Variants in MCTP1 observed in about 807,000 individuals in gnomAD.
The protein encoded by MCTP1 is multiple C2 and transmembrane domain containing 1, also known as multiple C2 and transmembrane domain-containing protein 1.
Under a neutral mutation model 120.6 loss-of-function variants are expected in MCTP1, and 69 were observed. The ratio of observed to expected loss-of-function variants is 0.57; its 90% CI spans 0.47 to 0.70. The LOEUF (loss-of-function observed/expected upper bound fraction) is 0.70, where lower values mean the gene tolerates loss of function less well. Ranked by LOEUF, MCTP1 falls within the 30% of genes least tolerant of loss-of-function variation. The pLI, the probability that MCTP1 is intolerant of heterozygous loss-of-function variation, is 0.00. For missense variants in MCTP1, 1,203 were observed against 1,248.8 expected (o/e 0.96, Z 0.55); for synonymous variants, 529 against 493.1 (o/e 1.07, Z -0.96).
At chr5:95,022,633 T>G (rs1163028224) in intron 1 of MCTP1, among the ~76,000 whole-genome samples, 1 of 152,134 alleles carries the variant, frequency 6.6e-6, no homozygotes, top group Non-Finnish European at 1.5e-5. Flanking sequence ...TCAATGGGAA[T>G]CTAAATAAAG....
chr5:94,866,811 C>T (rs1282111528), intron 17 of MCTP1, among the ~76,000 whole-genome samples: 1 of 151,322 alleles, frequency 6.6e-6, no homozygotes, highest in African/African-American at 2.4e-5. Context: ...TTTCATTTTA[C>T]GCGAGTGACC....
At chr5:95,152,591 T>C (rs1744654648) in intron 1 of MCTP1, among the ~76,000 whole-genome samples, 1 of 152,234 alleles carries the variant, frequency 6.6e-6, no homozygotes, top group Non-Finnish European at 1.5e-5. Context: ...TTAGCTTCAT[T>C]AACGAGGGTT....
intron 1 of MCTP1, among the ~76,000 whole-genome samples, chr5:95,280,559 A>T (rs971390233): frequency 9.9e-5 from 15 of 152,242 alleles, no homozygotes; most frequent in Non-Finnish European, 1.6e-4. Context: ...TTGAGAAAGC[A>T]TCTTTTCCAA....
At chr5:95,205,002 T>C (rs1269678317) in intron 1 of MCTP1, among the ~76,000 whole-genome samples, 1 of 152,100 alleles carries the variant, frequency 6.6e-6, no homozygotes, top group Non-Finnish European at 1.5e-5. Context: ...AAAATTCATA[T>C]GGAAATTCAA....
chr5:95,284,207 G>A lies in MCTP1; in HGVS notation c.369C>T (p.Arg123=). The stretch of plus-strand genomic sequence containing the variant: ...CGGGGAGCAAATGCTCGCGGATCCG[G>A]CGGCGTAGCGTGGACCCCTGCTCGG... ...GRAEQGSTLR[R]RIREHLLPAV... The change falls in exon 1 of 23, where the codon CGC becomes CGT. Residue 123 remains arginine (R), a synonymous_variant. Coordinates refer to ENST00000515393, the MANE Select transcript of MCTP1 (RefSeq NM_024717.7). The surrounding 1 kb of genome is among the most constrained non-coding windows in gnomAD (Gnocchi z 5.2). 6.4e-7 allele frequency: 1 copy of A among 1,566,120 alleles called. No individual in the cohort carries two copies. The highest frequency in any genetic ancestry group is 8.6e-7 in the Non-Finnish European group (1 of 1,160,170).
At chr5:95,039,878 CAAAAAAAAA>C (rs57011733) in intron 1 of MCTP1, among the ~76,000 whole-genome samples, 2 of 77,614 alleles carry the variant, frequency 2.6e-5, no homozygotes, top group African/African-American at 5.2e-5. Context: ...GTACCGTTTG[CAAAAAAAAA>C]AAAAAAAAAA....
chr5:95,170,532 T>C (rs1387675990), intron 1 of MCTP1, among the ~76,000 whole-genome samples: 4 of 152,204 alleles, frequency 2.6e-5, no homozygotes, highest in African/African-American at 9.7e-5. Context: ...CCATTATTAT[T>C]GTGTGGGAGT....
intron 19 of MCTP1, among the ~76,000 whole-genome samples, chr5:94,759,103 CCA>C (rs1486850079): frequency 2.0e-5 from 3 of 152,058 alleles, no homozygotes; most frequent in Non-Finnish European, 4.4e-5. Context: ...GTGAAGAAAA[CCA>C]CAAAGACATA....
chr5:94,858,941 T>C (rs1217512083), intron 17 of MCTP1, among the ~76,000 whole-genome samples: 1 of 151,710 alleles, frequency 6.6e-6, no homozygotes, highest in African/African-American at 2.4e-5. Flanking sequence ...CTACAGCTAG[T>C]AGGCTTTGTA....
chr5:94,908,017 C>T (rs770236462), intron 10 of MCTP1, among the ~76,000 whole-genome samples: 5 of 151,962 alleles, frequency 3.3e-5, no homozygotes, highest in South Asian at 2.1e-4. Context: ...ACTAATCATT[C>T]GAGGAATAGC....
At chr5:94,830,706 TC>T (rs1788324811) in intron 17 of MCTP1, among the ~76,000 whole-genome samples, 1 of 152,222 alleles carries the variant, frequency 6.6e-6, no homozygotes, top group South Asian at 2.1e-4. Flanking sequence ...GAGTGAACAT[TC>T]CTCATGTTTC....
chr5:95,279,713 T>C (rs1306843627), intron 1 of MCTP1, among the ~76,000 whole-genome samples: 1 of 152,154 alleles, frequency 6.6e-6, no homozygotes, highest in Non-Finnish European at 1.5e-5. Context: ...GCCAGACACT[T>C]ATTATAGCAA....
chr5:95,119,516 GA>G (rs1027883772), intron 1 of MCTP1, among the ~76,000 whole-genome samples: 10 of 151,824 alleles, frequency 6.6e-5, no homozygotes, highest in Non-Finnish European at 1.5e-4. Context: ...TAGAAGAAAA[GA>G]AATAATAAAT....
chr5:94,871,355 C>T lies in MCTP1; in HGVS notation c.2099G>A (p.Ser700Asn). 1 of 1,612,538 alleles carries T rather than the reference C, an allele frequency of 6.2e-7. No individual in the cohort carries two copies. Among genetic ancestry groups the T allele is most frequent in the South Asian group, 1.1e-5 (1 of 91,046 alleles). ...AGCAACTTTGCCCAGAAAGTCAGCA[C>T]TTCGATCCCGATCTTCATCATAAAC... ...VTVYDEDRDR[S>N]ADFLGKVAIP... is the part of the protein sequence containing the mutation. Residue 700 changes from serine to asparagine, a missense_variant, in exon 14 of 23, where the codon AGT (serine) becomes AAT (asparagine). Ser to Asn is a conservative substitution (Grantham distance 46). Coordinates refer to ENST00000515393, the MANE Select transcript of MCTP1 (RefSeq NM_024717.7).
chr5:94,731,463 G>T (rs1236746222), intron 19 of MCTP1, among the ~76,000 whole-genome samples: 2 of 152,070 alleles, frequency 1.3e-5, no homozygotes, highest in Admixed American at 6.6e-5. Context: ...ACTATTATTT[G>T]TTACTGTAAT....
chr5:95,058,461 C>T (rs60606062), intron 1 of MCTP1, among the ~76,000 whole-genome samples: 8,473 of 152,240 alleles, frequency 0.056, 379 homozygotes, highest in African/African-American at 0.12. Context: ...TACCACACAC[C>T]TTACGACCTT....
At chr5:94,833,314 C>T (rs536565404) in intron 17 of MCTP1, among the ~76,000 whole-genome samples, 123 of 152,240 alleles carry the variant, frequency 8.1e-4, no homozygotes, top group African/African-American at 2.8e-3. Flanking sequence ...AACACCTCAT[C>T]AACTAATCAC....
At chr5:94,923,835 A>G in intron 7 of MCTP1, 127 bp downstream of exon 7, 2 of 565,056 alleles carry the variant, frequency 3.5e-6, no homozygotes, top group South Asian at 5.0e-5. Flanking sequence ...ATAATAAAGA[A>G]GGCAAATGAA....
chr5:95,005,766 CTTTATT>C (rs1834600305), intron 2 of MCTP1, among the ~76,000 whole-genome samples: 1 of 20,530 alleles, frequency 4.9e-5, no homozygotes, highest in African/African-American at 6.1e-5. Flanking sequence ...TCTTTTCTTT[CTTTATT>C]TTTTTTTTTT....
Sources: gnomAD v4.1 joint callset for allele counts (sites outside exome capture counted in the v4.1 genomes callset) on GRCh38, gnomAD v4.1.1 for gene constraint, Gnocchi (gnomAD v3.1) non-coding constraint, MANE v1.5 for transcripts, NCBI Gene and HGNC (gene_info 2026-07-23, HGNC 2026-07-21) for gene names.